Variants in DEPDC5 observed in about 807,000 individuals in gnomAD.
DEPDC5 encodes GATOR1 complex protein DEPDC5.
DEPDC5 carries 73 observed loss-of-function variants against 217.3 expected under a neutral mutation model. The ratio of observed to expected loss-of-function variants is 0.34; its 90% CI spans 0.28 to 0.41. DEPDC5 has a LOEUF of 0.41. Ranked by LOEUF, DEPDC5 falls within the 10% of genes least tolerant of loss-of-function variation. DEPDC5 has a pLI of 1.00. For missense variants in DEPDC5, 1,675 were observed against 2,070.1 expected (o/e 0.81, Z 3.70); for synonymous variants, 733 against 756.7 (o/e 0.97, Z 0.51).
In DEPDC5 at chr22:31,809,907, G is replaced by A. The variant is rs139620221; in HGVS notation, c.1324+260G>A. ...TGAGGCAGGAGAATCACTTGAACCC[G>A]GGAGGCAGAGGTTGCAGTGAGCCGA... On this transcript the variant is annotated intron_variant, in intron 19 of 42. Transcript: ENST00000651528. Among the ~76,000 whole-genome samples, 1,940 of 152,212 alleles carry A rather than the reference G, an allele frequency of 0.013. 14 individuals are homozygous for A. The highest frequency in any genetic ancestry group is 0.031 in the Middle Eastern group (9 of 294).
intron 7 of DEPDC5, among the ~76,000 whole-genome samples, chr22:31,777,838 C>T (rs1003819505): frequency 2.6e-5 from 4 of 152,180 alleles, no homozygotes; most frequent in African/African-American, 7.2e-5. Flanking sequence ...ACCTCTGCCT[C>T]GTGACTTCAA....
At chr22:31,771,395 G>A (rs1408462041) in intron 7 of DEPDC5, among the ~76,000 whole-genome samples, 4 of 152,062 alleles carry the variant, frequency 2.6e-5, no homozygotes, top group African/African-American at 9.7e-5. Context: ...AACCAGCCTG[G>A]ACAACATAGT....
rs911000163 is a variant in DEPDC5, at chr22:31,906,573, G to T, written c.*76G>T. ...ACCCGGGGCGGAGGATTCCAGGCAG[G>T]CTCTAGGAGTCAGGTGTCCGTTTGC... On this transcript the variant is annotated 3_prime_UTR_variant, in exon 43 of 43. Transcript: ENST00000651528. The surrounding 1 kb of genome is among the most constrained non-coding windows in gnomAD (Gnocchi z 5.1). 4 of 1,551,280 alleles carry T rather than the reference G, an allele frequency of 2.6e-6. No individual in the cohort carries two copies. Among genetic ancestry groups the T allele is most frequent in the African/African-American group, 1.4e-5 (1 of 73,582 alleles).
intron 8 of DEPDC5, among the ~76,000 whole-genome samples, chr22:31,780,130 G>A (rs2084275249): frequency 6.6e-6 from 1 of 152,186 alleles, no homozygotes; most frequent in South Asian, 2.1e-4. Context: ...TATTTCCAGG[G>A]TCAAGAGTAA....
chr22:31,890,708 C>CA (rs538668125), intron 38 of DEPDC5, among the ~76,000 whole-genome samples: 2 of 149,470 alleles, frequency 1.3e-5, no homozygotes, highest in African/African-American at 2.5e-5. Flanking sequence ...GATTCTGTCT[C>CA]AAAAAAAAGA....
At chr22:31,777,951 T>C (rs1601753721) in intron 7 of DEPDC5, 148 bp from the exon 8 acceptor site, 1 of 762,026 alleles carries the variant, frequency 1.3e-6, no homozygotes, top group East Asian at 2.7e-5. Flanking sequence ...TTTCACCATG[T>C]TGTCCAGGCT....
chr22:31,798,152 G>A (rs144474692), intron 13 of DEPDC5, among the ~76,000 whole-genome samples: 2 of 151,952 alleles, frequency 1.3e-5, no homozygotes, highest in Admixed American at 6.6e-5. Context: ...CAAACTCCTC[G>A]TCTTAAGCGA....
intron 32 of DEPDC5, chr22:31,857,809 G>A (rs1211855780): frequency 1.3e-5 from 4 of 319,718 alleles, no homozygotes; most frequent in Non-Finnish European, 2.3e-5. Context: ...CAGCACTTTG[G>A]GAGGCCGAGG....
At chr22:31,882,010 T>G (rs1388253238) in intron 38 of DEPDC5, among the ~76,000 whole-genome samples, 2 of 149,456 alleles carry the variant, frequency 1.3e-5, no homozygotes, top group East Asian at 3.9e-4. Context: ...GTACCTACCC[T>G]GATGTCAGTG....
At chr22:31,837,204 A>G in intron 26 of DEPDC5, 49 bp downstream of exon 26, 1 of 1,597,036 alleles carries the variant, frequency 6.3e-7, no homozygotes, top group South Asian at 1.1e-5. Context: ...AGGGTTTCGG[A>G]TATATCCCAC....
intron 18 of DEPDC5, among the ~76,000 whole-genome samples, chr22:31,807,519 C>A (rs1253689649): frequency 6.6e-6 from 1 of 152,130 alleles, no homozygotes; most frequent in African/African-American, 2.4e-5. Context: ...GCAACTTCTG[C>A]CTCCCAGGTT....
intron 21 of DEPDC5, chr22:31,817,489 CT>C (rs1371240317): frequency 6.4e-6 from 3 of 468,162 alleles, no homozygotes; most frequent in African/African-American, 6.1e-5. Context: ...TGGGTGGTTT[CT>C]TTTATTTGTT....
chr22:31,891,554 C>T (rs1031898629), intron 38 of DEPDC5: 4 of 166,946 alleles, frequency 2.4e-5, no homozygotes, highest in Non-Finnish European at 5.1e-5. Context: ...TGCCTTACAA[C>T]AGAAGCTCAT....
chr22:31,844,190 C>T (rs2091572525), intron 29 of DEPDC5, among the ~76,000 whole-genome samples: 1 of 152,100 alleles, frequency 6.6e-6, no homozygotes, highest in Non-Finnish European at 1.5e-5. Flanking sequence ...CAAGCCATTG[C>T]ACTCCAGCCT....
intron 2 of DEPDC5, 142 bp downstream of exon 2, chr22:31,755,121 G>A (rs920833665): frequency 9.4e-6 from 8 of 854,066 alleles, no homozygotes; most frequent in Non-Finnish European, 1.1e-5. Context: ...CTGTCATACA[G>A]TAACAATAGG....
At chr22:31,847,929 C>T (rs2091834879) in intron 31 of DEPDC5, among the ~76,000 whole-genome samples, 1 of 152,218 alleles carries the variant, frequency 6.6e-6, no homozygotes, top group African/African-American at 2.4e-5. Context: ...AAGTTAGTTA[C>T]TTCCTTGATA....
At chr22:31,804,549 C>A (rs920544886) in intron 16 of DEPDC5, among the ~76,000 whole-genome samples, 1 of 152,198 alleles carries the variant, frequency 6.6e-6, no homozygotes, top group Admixed American at 6.5e-5. Context: ...AATCAGTTCT[C>A]CTGCCTCAGC....
rs764108301 is a variant in DEPDC5, at chr22:31,754,989, G to C, written c.58+10G>C. ...GGCTTTGGGGGCAGTGGTCAGTATC[G>C]ATTGGTCTTTAGAGGTTTTGTAAGT... On this transcript the variant is annotated intron_variant, in intron 2 of 42. Coordinates refer to ENST00000651528, the MANE Select transcript of DEPDC5 (RefSeq NM_001242896.3). 1.6e-5 allele frequency: 26 copies of C among 1,614,140 alleles called. No individual in the cohort carries two copies. The highest frequency in any genetic ancestry group is 2.2e-5 in the East Asian group (1 of 44,890).
chr22:31,838,862 G>A lies in DEPDC5; in HGVS notation c.2515+17G>A. The A allele has an allele frequency of 6.2e-7, 1 of 1,604,804 alleles. No individual in the cohort carries two copies. Among genetic ancestry groups the A allele is most frequent in the South Asian group, 1.1e-5 (1 of 90,534 alleles). On this transcript the variant is annotated intron_variant, in intron 27 of 42. Coordinates refer to ENST00000651528, the MANE Select transcript of DEPDC5 (RefSeq NM_001242896.3). ...ATAGCCGAGGTGAGTTTTTCTCCTTGGATTTCTATTTTTTTCTCTTCTACT... is the reference window on the plus strand; with the variant it reads ...ATAGCCGAGGTGAGTTTTTCTCCTTAGATTTCTATTTTTTTCTCTTCTACT...
Sources: gnomAD v4.1 joint callset for allele counts (sites outside exome capture counted in the v4.1 genomes callset) on GRCh38, gnomAD v4.1.1 for gene constraint, Gnocchi (gnomAD v3.1) non-coding constraint, MANE v1.5 for transcripts, NCBI Gene and HGNC (gene_info 2026-07-23, HGNC 2026-07-21) for gene names.